The following RAF1 variants were observed in gnomAD, a reference collection of about 807,000 sequenced individuals.
RAF1 encodes the protein Raf-1 proto-oncogene, serine/threonine kinase, also known as RAF proto-oncogene serine/threonine-protein kinase.
A neutral mutation model predicts 81.1 loss-of-function variants in RAF1; 27 were observed. The ratio of observed to expected loss-of-function variants is 0.33; its 90% CI spans 0.25 to 0.46. The LOEUF is 0.46. Among genes scored for constraint, RAF1 ranks in the 20% least tolerant of loss-of-function variants. The pLI, the probability that RAF1 is intolerant of heterozygous loss-of-function variation, is 1.00. For synonymous variants in RAF1, 298 were observed against 294.0 expected (o/e 1.01, Z -0.14); for missense variants, 598 against 826.0 (o/e 0.72, Z 3.38).
At chr3:12,598,470 C>T (rs2058749410) in intron 11 of RAF1, among the ~76,000 whole-genome samples, 1 of 152,120 alleles carries the variant, frequency 6.6e-6, no homozygotes, top group Non-Finnish European at 1.5e-5. Context: ...GGCACAGTGG[C>T]TCATGCCTGT....
At position 12,611,960 on chromosome 3, in the gene RAF1, C is replaced by G. The variant is rs896491732; in HGVS notation, c.310G>C (p.Glu104Gln). The change falls in exon 3 of 18, where the codon GAA becomes CAA. Residue 104 changes from glutamate (E) to glutamine (Q), a missense_variant. Physicochemically the swap from Glu to Gln is conservative, Grantham distance 29 (BLOSUM62 2). Around this residue, in one of 5 missense-constraint regions of RAF1, gnomAD observed 89 missense variants for 169.2 expected, o/e 0.53. Coordinates refer to ENST00000442415, the MANE Select transcript of RAF1 (RefSeq NM_001354689.3). ...CTTTTGAGCTCTTACCCTTTGTGTTCGTGGAGAAGTCTGAACACTGCACAG... is the reference window on the plus strand; with the variant it reads ...CTTTTGAGCTCTTACCCTTTGTGTTGGTGGAGAAGTCTGAACACTGCACAG... 3 of 1,613,956 alleles carry G rather than the reference C, an allele frequency of 1.9e-6. No homozygotes were observed.
At chr3:12,612,990 A>G (rs1461918913) in intron 2 of RAF1, among the ~76,000 whole-genome samples, 1 of 152,176 alleles carries the variant, frequency 6.6e-6, no homozygotes, top group African/African-American at 2.4e-5. Flanking sequence ...GTGAAGGCAA[A>G]GCAGGAAGTG....
chr3:12,612,415 G>A (rs1575589611), intron 2 of RAF1, among the ~76,000 whole-genome samples: 1 of 152,224 alleles, frequency 6.6e-6, no homozygotes, highest in African/African-American at 2.4e-5. Context: ...TTGGGAAGCC[G>A]AGGCGGGTGG....
At chr3:12,599,918 T>G (rs1012370417) in intron 10 of RAF1, 110 bp from the exon 10 acceptor site, 97 of 1,197,856 alleles carry the variant, frequency 8.1e-5, no homozygotes, top group Middle Eastern at 5.0e-4. Flanking sequence ...CTTTTAAAGA[T>G]AAACATATTA....
At chr3:12,631,525 G>T (rs1263111655) in intron 1 of RAF1, among the ~76,000 whole-genome samples, 1 of 152,196 alleles carries the variant, frequency 6.6e-6, no homozygotes, top group Non-Finnish European at 1.5e-5. Flanking sequence ...CATGAACCCG[G>T]GAGGCGGAGC....
At chr3:12,637,447 T>C (rs918070755) in intron 1 of RAF1, among the ~76,000 whole-genome samples, 1 of 151,572 alleles carries the variant, frequency 6.6e-6, no homozygotes, top group African/African-American at 2.4e-5. Flanking sequence ...GTATTTTCAG[T>C]AGAGACAGGG....
At chr3:12,643,143 C>T (rs1310797129) in intron 1 of RAF1, among the ~76,000 whole-genome samples, 1 of 152,134 alleles carries the variant, frequency 6.6e-6, no homozygotes, top group African/African-American at 2.4e-5. Context: ...TGTCCTCAGG[C>T]AACAAATCAA....
chr3:12,591,307 A>G (rs1233810504), intron 12 of RAF1, among the ~76,000 whole-genome samples: 1 of 152,148 alleles, frequency 6.6e-6, no homozygotes, highest in African/African-American at 2.4e-5. Flanking sequence ...TATTCCTACA[A>G]GTCTAAATAG....
chr3:12,635,363 G>A (rs1250017905), intron 1 of RAF1, among the ~76,000 whole-genome samples: 1 of 137,626 alleles, frequency 7.3e-6, no homozygotes, highest in African/African-American at 2.7e-5. Flanking sequence ...AAGGCCAGGG[G>A]CCATGGCTCA....
intron 1 of RAF1, among the ~76,000 whole-genome samples, chr3:12,639,074 G>C (rs1180728495): frequency 6.6e-6 from 1 of 150,792 alleles, no homozygotes; most frequent in African/African-American, 2.4e-5. Flanking sequence ...ATGCAAGGCT[G>C]GTTCAACATA....
At chr3:12,622,855 G>A (rs914845212) in intron 1 of RAF1, among the ~76,000 whole-genome samples, 3 of 152,104 alleles carry the variant, frequency 2.0e-5, no homozygotes, top group Non-Finnish European at 4.4e-5. Flanking sequence ...TCCATTTAGT[G>A]GTACATCTTT....
intron 1 of RAF1, among the ~76,000 whole-genome samples, chr3:12,644,043 C>G (rs1170407838): frequency 6.6e-6 from 1 of 152,098 alleles, no homozygotes; most frequent in African/African-American, 2.4e-5. Flanking sequence ...CTTTCAAAAA[C>G]CCTGGAAAGG....
intron 3 of RAF1, among the ~76,000 whole-genome samples, chr3:12,610,344 T>G (rs963828454): frequency 6.6e-6 from 1 of 152,324 alleles, no homozygotes; most frequent in Admixed American, 6.5e-5. Context: ...CCTGGAAAAC[T>G]TCCTATAACT....
chr3:12,644,034 T>C (rs1462402253), intron 1 of RAF1, among the ~76,000 whole-genome samples: 1 of 152,180 alleles, frequency 6.6e-6, no homozygotes, highest in Non-Finnish European at 1.5e-5. Context: ...GACAACAAAC[T>C]TTCAAAAACC....
intron 5 of RAF1, among the ~76,000 whole-genome samples, chr3:12,606,606 T>C (rs1356047416): frequency 1.3e-5 from 2 of 152,092 alleles, no homozygotes; most frequent in Non-Finnish European, 2.9e-5. Context: ...AGAGGTGTAA[T>C]GGCGGCTCAC....
At chr3:12,644,635 A>G (rs1467539445) in intron 1 of RAF1, among the ~76,000 whole-genome samples, 2 of 152,176 alleles carry the variant, frequency 1.3e-5, no homozygotes, top group Non-Finnish European at 2.9e-5. Flanking sequence ...AAATCTTCCT[A>G]TTGCCCTTTC....
intron 1 of RAF1, among the ~76,000 whole-genome samples, chr3:12,654,270 G>A (rs933845018): frequency 2.6e-5 from 4 of 151,736 alleles, no homozygotes; most frequent in Non-Finnish European, 4.4e-5. Context: ...TTATAGGCAT[G>A]AGCCACAGAG....
chr3:12,660,889 G>A (rs2060854134), intron 1 of RAF1, among the ~76,000 whole-genome samples: 1 of 152,090 alleles, frequency 6.6e-6, no homozygotes. Context: ...GCAGGAGAAT[G>A]CTTAAACCCA....
chr3:12,632,096 G>A (rs887476574), intron 1 of RAF1, among the ~76,000 whole-genome samples: 1 of 151,490 alleles, frequency 6.6e-6, no homozygotes, highest in African/African-American at 2.4e-5. Context: ...GGGAGGCCAA[G>A]GCAGGGGGAT....
Sources: gnomAD v4.1 joint callset for allele counts (sites outside exome capture counted in the v4.1 genomes callset) on GRCh38, gnomAD v4.1.1 for gene constraint, gnomAD v4.1.1 regional missense constraint, MANE v1.5 for transcripts, NCBI Gene and HGNC (gene_info 2026-07-23, HGNC 2026-07-21) for gene names.